CKLF: variants seen among roughly 807,000 people sequenced by gnomAD.
The protein encoded by CKLF is chemokine like factor.
A neutral mutation model predicts 12.9 loss-of-function variants in CKLF; 16 were observed. The ratio of observed to expected loss-of-function variants is 1.24; its 90% CI spans 0.84 to 1.88. The LOEUF (loss-of-function observed/expected upper bound fraction) is 1.88. CKLF is among the 40% of genes most tolerant of loss of function. The probability of loss-of-function intolerance (pLI) is 0.00; values close to 1 mark genes in which losing one functional copy is unlikely to be tolerated. For synonymous variants in CKLF, 61 were observed against 69.0 expected (o/e 0.88, Z 0.57); for missense variants, 172 against 188.5 (o/e 0.91, Z 0.51).
chr16:66,563,001 C>A, intron 2 of CKLF, 121 bp from the exon 3 acceptor site: 1 of 1,060,716 alleles, frequency 9.4e-7, no homozygotes. Context: ...CAGGCGGGAG[C>A]CAGTGCATTC....
In CKLF at chr16:66,556,061, T is replaced by C. The variant is rs1029755153; in HGVS notation, c.79-2129T>C. Reference sequence around the variant, plus strand: ...TTCTAAATGGCTACTTGGTGTGAAATGTGGAGAATGGACCTGGGTTAGAGA... The same window carrying C: ...TTCTAAATGGCTACTTGGTGTGAAACGTGGAGAATGGACCTGGGTTAGAGA... On this transcript the variant is annotated intron_variant, in intron 1 of 3. Coordinates refer to ENST00000264001, the MANE Select transcript of CKLF (RefSeq NM_016951.4). Among the ~76,000 whole-genome samples the C allele has an allele frequency of 6.7e-4, 102 of 151,826 alleles. 1 individual carries two copies. Among genetic ancestry groups the C allele is most frequent in the African/African-American group, 2.3e-3 (96 of 41,328 alleles).
intron 2 of CKLF, among the ~76,000 whole-genome samples, chr16:66,560,138 G>A (rs1336894346): frequency 2.0e-5 from 3 of 152,194 alleles, no homozygotes; most frequent in African/African-American, 7.2e-5. Context: ...GCAGATGACT[G>A]ATACAGGGAA....
intron 2 of CKLF, among the ~76,000 whole-genome samples, chr16:66,560,466 C>A (rs1270563050): frequency 6.6e-6 from 1 of 151,944 alleles, no homozygotes; most frequent in African/African-American, 2.4e-5. Flanking sequence ...TGCAGGAGAG[C>A]AGTATGTAAT....
Position 66,565,994 on chromosome 16 carries a change from A to G in CKLF, c.442A>G (p.Lys148Glu), listed in dbSNP as rs773954355. ...GPYQKKPVHE[K>E]KEVL ...TTACCAGAAAAAGCCTGTGCATGAA[A>G]AAAAAGAAGTTTTGTAATTTTATAT... The change falls in exon 4 of 4, where the codon AAA becomes GAA. Residue 148 changes from lysine (K) to glutamate (E), a missense_variant. By Grantham distance (56) the Lys-to-Glu change is moderately conservative. Transcript: ENST00000264001. The G allele has an allele frequency of 3.7e-6, 6 of 1,611,988 alleles. No individual in the cohort carries two copies. In the South Asian group the frequency reaches 6.6e-5, roughly 18 times the overall value.
chr16:66,564,594 C>T (rs888558858), intron 3 of CKLF, among the ~76,000 whole-genome samples: 1 of 151,902 alleles, frequency 6.6e-6, no homozygotes, highest in Non-Finnish European at 1.5e-5. Flanking sequence ...CCTCAGCCTC[C>T]CAAGTAGCTG....
At position 66,552,838 on chromosome 16, in the gene CKLF, G is replaced by T. The variant is rs200506386; in HGVS notation, c.78+45G>T. On this transcript the variant is annotated intron_variant, in intron 1 of 3. Coordinates refer to ENST00000264001, the MANE Select transcript of CKLF (RefSeq NM_016951.4). ...GGCGGGAGGCTGATGAAGCTGCTGG[G>T]GGGCGGGAGATGTGGGTGTGAAGTG... is the stretch of plus-strand genomic sequence containing the variant. The T allele has an allele frequency of 5.0e-6, 8 of 1,613,478 alleles. No homozygotes were observed. In the Admixed American group the frequency reaches 1.3e-4, roughly 27 times the overall value.
At chr16:66,564,450 A>C (rs759264453) in intron 3 of CKLF, among the ~76,000 whole-genome samples, 6 of 151,868 alleles carry the variant, frequency 4.0e-5, no homozygotes, top group Non-Finnish European at 8.8e-5. Flanking sequence ...ATATATTAAA[A>C]TCTATGACTT....
intron 1 of CKLF, among the ~76,000 whole-genome samples, chr16:66,555,957 T>G (rs1381321325): frequency 6.6e-6 from 1 of 152,058 alleles, no homozygotes; most frequent in Non-Finnish European, 1.5e-5. Flanking sequence ...CAGTTGAGGT[T>G]GTGAATCCAG....
At chr16:66,554,212 C>T (rs1418908255) in intron 1 of CKLF, among the ~76,000 whole-genome samples, 1 of 152,198 alleles carries the variant, frequency 6.6e-6, no homozygotes, top group Non-Finnish European at 1.5e-5. Context: ...AAATCCCTGA[C>T]TCATGGAGTT....
chr16:66,555,315 C>T (rs2011393021), intron 1 of CKLF, among the ~76,000 whole-genome samples: 1 of 152,104 alleles, frequency 6.6e-6, no homozygotes. Context: ...GCTGCAGGGG[C>T]AAAGGTAAAA....
intron 2 of CKLF, among the ~76,000 whole-genome samples, chr16:66,562,603 A>G (rs150413522): frequency 3.9e-5 from 6 of 152,362 alleles, no homozygotes; most frequent in Non-Finnish European, 8.8e-5. Context: ...GAAAACCACT[A>G]GGTGTCATTA....
chr16:66,552,581 G>A lies in CKLF; in HGVS notation c.-135G>A, dbSNP rs1005112902. ...CGTGCGCATGCGCGCAAGAGAGCGG[G>A]AAGCCGAGCTGGGCGAGAAGTAGGG... is the stretch of plus-strand genomic sequence containing the variant. On this transcript the variant is annotated 5_prime_UTR_variant, in exon 1 of 4. Coordinates refer to ENST00000264001, the MANE Select transcript of CKLF (RefSeq NM_016951.4). 5.0e-6 allele frequency: 7 copies of A among 1,412,422 alleles called. No individual in the cohort carries two copies. The highest frequency in any genetic ancestry group is 5.9e-6 in the Non-Finnish European group (6 of 1,022,464). The allele number at this position is 1,412,422 out of a possible 1,614,324, so 87.5% of individuals were successfully genotyped here. A position where few individuals can be genotyped will look rare whatever the true frequency, so the allele number is the denominator to read the frequency against.
Position 66,565,974 on chromosome 16 carries a change from A to T in CKLF, c.422A>T (p.Gln141Leu). 1 of 1,613,492 alleles carries T rather than the reference A, an allele frequency of 6.2e-7. No individual in the cohort carries two copies. Among genetic ancestry groups the T allele is most frequent in the Non-Finnish European group, 8.5e-7 (1 of 1,179,418 alleles). Residue 141 changes from glutamine (Q) to leucine (L), a missense_variant, in exon 4 of 4, where the codon CAG becomes CTG. By Grantham distance (113) the Gln-to-Leu change is moderately radical. Transcript: ENST00000264001. ...CTGTTCAATCCCAGCGGTCCTTACC[A>T]GAAAAAGCCTGTGCATGAAAAAAAA... The part of the protein sequence containing the change: ...KLLFNPSGPY[Q>L]KKPVHEKKEV...
At chr16:66,557,896 CA>C (rs1007434149) in intron 1 of CKLF, among the ~76,000 whole-genome samples, 1 of 152,102 alleles carries the variant, frequency 6.6e-6, no homozygotes, top group Non-Finnish European at 1.5e-5. Flanking sequence ...CTCTAAAAGA[CA>C]AAGAGAAGTC....
intron 1 of CKLF, 33 bp downstream of exon 1, chr16:66,552,826 T>G (rs749211113): frequency 6.2e-7 from 1 of 1,613,670 alleles, no homozygotes; most frequent in South Asian, 1.1e-5. Flanking sequence ...GGGAGGCTGA[T>G]GAAGCTGCTG....
intron 1 of CKLF, among the ~76,000 whole-genome samples, chr16:66,557,607 A>AC (rs1471464380): frequency 2.0e-5 from 3 of 152,272 alleles, no homozygotes; most frequent in Non-Finnish European, 4.4e-5. Flanking sequence ...CAGTATACAG[A>AC]CTTTTTGAAG....
chr16:66,552,826 T>C, intron 1 of CKLF, 33 bp downstream of exon 1: 1 of 1,613,670 alleles, frequency 6.2e-7, no homozygotes, highest in Non-Finnish European at 8.5e-7. Context: ...GGGAGGCTGA[T>C]GAAGCTGCTG....
chr16:66,563,067 T>C (rs1597134388), intron 2 of CKLF, 55 bp from the exon 3 acceptor site: 1 of 1,604,618 alleles, frequency 6.2e-7, no homozygotes, highest in Non-Finnish European at 8.5e-7. Flanking sequence ...GTTTTTCCTT[T>C]TTAGCATTGC....
At chr16:66,557,788 G>A (rs2011506185) in intron 1 of CKLF, among the ~76,000 whole-genome samples, 1 of 152,266 alleles carries the variant, frequency 6.6e-6, no homozygotes, top group African/African-American at 2.4e-5. Context: ...GGAGGTACTT[G>A]GTGGAAAAAC....
Sources: gnomAD v4.1 joint callset for allele counts (sites outside exome capture counted in the v4.1 genomes callset) on GRCh38, gnomAD v4.1.1 for gene constraint, MANE v1.5 for transcripts, NCBI Gene and HGNC (gene_info 2026-07-23, HGNC 2026-07-21) for gene names.